Variants in KCNIP4 observed in about 807,000 individuals in gnomAD.
KCNIP4 encodes the protein potassium voltage-gated channel interacting protein 4.
Under a neutral mutation model 34.0 loss-of-function variants are expected in KCNIP4, and 12 were observed. That is an observed-to-expected ratio of 0.35 (90% confidence interval 0.23 to 0.57). The LOEUF (loss-of-function observed/expected upper bound fraction) is 0.57. Among genes scored for constraint, KCNIP4 ranks in the 20% least tolerant of loss-of-function variants. The probability of loss-of-function intolerance (pLI) is 0.83; values close to 1 mark genes in which losing one functional copy is unlikely to be tolerated. For missense variants in KCNIP4, 238 were observed against 311.7 expected (o/e 0.76, Z 1.78); for synonymous variants, 124 against 102.2 (o/e 1.21, Z -1.29).
Position 21,370,850 on chromosome 4 carries a change from TACACACACAC to T in KCNIP4, c.62-488151_62-488142del, listed in dbSNP as rs376590317. ...ATATATATATATATATATATATATA[TACACACACAC>T]ACACACACACACACACACACACGTG... On this transcript the variant is annotated intron_variant, in intron 1 of 8. Coordinates refer to ENST00000382152, the MANE Select transcript of KCNIP4 (RefSeq NM_025221.6). Among the ~76,000 whole-genome samples, 50 of 14,842 alleles carry T rather than the reference TACACACACAC, an allele frequency of 3.4e-3. 1 individual carries two copies. In the East Asian group the frequency reaches 0.073, roughly 22 times the overall value. 9.7% of individuals were successfully genotyped at this position (14,842 alleles called of 152,430 possible).
intron 1 of KCNIP4, among the ~76,000 whole-genome samples, chr4:21,470,755 G>A (rs190661420): frequency 6.7e-4 from 102 of 152,084 alleles, no homozygotes; most frequent in Non-Finnish European, 7.8e-4. Context: ...GCCACAGGGA[G>A]AAGCAGTTAG....
intron 1 of KCNIP4, among the ~76,000 whole-genome samples, chr4:21,802,153 C>A (rs984417492): frequency 6.6e-6 from 1 of 151,994 alleles, no homozygotes; most frequent in African/African-American, 2.4e-5. Context: ...AAATCAAAAC[C>A]ACAGTATTTG....
At position 21,081,660 on chromosome 4, in the gene KCNIP4, C is replaced by A. The variant is rs548926523; in HGVS notation, c.62-198951G>T. Reference sequence around the variant, plus strand: ...TGTTTTCTGTCAGTAATTTGAAGTTCTAGTATAATATTTTTATTTAATTAC... The same window carrying A: ...TGTTTTCTGTCAGTAATTTGAAGTTATAGTATAATATTTTTATTTAATTAC... On this transcript the variant is annotated intron_variant, in intron 1 of 8. Transcript: ENST00000382152. Among the ~76,000 whole-genome samples, 199 of 151,818 alleles carry A rather than the reference C, an allele frequency of 1.3e-3. 4 individuals carry two copies. Among genetic ancestry groups the A allele is most frequent in the African/African-American group, 4.2e-3 (173 of 41,312 alleles).
At chr4:21,785,188 A>G (rs1307451325) in intron 1 of KCNIP4, among the ~76,000 whole-genome samples, 1 of 152,134 alleles carries the variant, frequency 6.6e-6, no homozygotes, top group Admixed American at 6.5e-5. Context: ...TATAACTCAC[A>G]TACCACAGAA....
At chr4:20,854,822 G>C (rs955910728) in intron 2 of KCNIP4, among the ~76,000 whole-genome samples, 3 of 152,102 alleles carry the variant, frequency 2.0e-5, no homozygotes, top group Non-Finnish European at 4.4e-5. Context: ...ATTCTATTTA[G>C]GTCCATTTTG....
chr4:21,503,314 A>T (rs1441653833), intron 1 of KCNIP4, among the ~76,000 whole-genome samples: 1 of 152,134 alleles, frequency 6.6e-6, no homozygotes, highest in Non-Finnish European at 1.5e-5. Flanking sequence ...ACAATTAACT[A>T]TTGGGGAGGT....
intron 1 of KCNIP4, among the ~76,000 whole-genome samples, chr4:21,760,440 ACATGTT>A (rs33915414): frequency 0.65 from 98,626 of 151,288 alleles, 33,953 homozygotes; most frequent in African/African-American, 0.84. Flanking sequence ...TCAATTAGAT[ACATGTT>A]CATGTTTTTA....
At chr4:21,248,947 A>G (rs565884643) in intron 1 of KCNIP4, among the ~76,000 whole-genome samples, 15 of 152,292 alleles carry the variant, frequency 9.8e-5, no homozygotes, top group African/African-American at 3.4e-4. Context: ...TCTCCCCATG[A>G]GGCCAACCCA....
chr4:21,591,033 T>C lies in KCNIP4; in HGVS notation c.61+357538A>G, dbSNP rs548874235. On this transcript the variant is annotated intron_variant, in intron 1 of 8. Coordinates refer to ENST00000382152, the MANE Select transcript of KCNIP4 (RefSeq NM_025221.6). ...AGAGGAGGAGACTAATTCAGGTATT[T>C]AGATGTTTGAAAAATGTCTTATATA... Among the ~76,000 whole-genome samples the C allele has an allele frequency of 2.0e-3, 310 of 152,068 alleles. 2 individuals are homozygous for C. The highest frequency in any genetic ancestry group is 3.6e-3 in the Non-Finnish European group (244 of 67,948).
At chr4:21,827,142 C>A (rs1335364844) in intron 1 of KCNIP4, among the ~76,000 whole-genome samples, 1 of 151,900 alleles carries the variant, frequency 6.6e-6, no homozygotes, top group Non-Finnish European at 1.5e-5. Flanking sequence ...TGTGAATAAG[C>A]AATAAATTTT....
chr4:21,233,651 T>C (rs566757555), intron 1 of KCNIP4, among the ~76,000 whole-genome samples: 3 of 151,772 alleles, frequency 2.0e-5, no homozygotes, highest in Non-Finnish European at 4.4e-5. Context: ...AGTCTGTTCA[T>C]CAAGAAACAT....
chr4:21,640,584 T>C (rs572506508), intron 1 of KCNIP4, among the ~76,000 whole-genome samples: 1 of 152,226 alleles, frequency 6.6e-6, no homozygotes, highest in African/African-American at 2.4e-5. Context: ...TGATCCATGT[T>C]CCAGCCAACC....
rs74526194 is a variant in KCNIP4 at position 21,112,858 on chromosome 4, C to T, written c.62-230149G>A. On this transcript the variant is annotated intron_variant, in intron 1 of 8. Transcript: ENST00000382152. ...CTAGGATTGATATAACTATTTTTCC[C>T]TTTTTTTTTTCTCCAATAGCCAGGG... 2.1e-3 allele frequency among the ~76,000 whole-genome samples: 312 copies of T among 150,722 alleles called. 5 individuals carry two copies. In the East Asian group the frequency reaches 0.045, roughly 22 times the overall value.
intron 1 of KCNIP4, among the ~76,000 whole-genome samples, chr4:21,207,580 T>A (rs973951824): frequency 3.3e-5 from 5 of 152,184 alleles, no homozygotes; most frequent in Admixed American, 1.3e-4. Flanking sequence ...ATGGCACATA[T>A]CTAGACTAGG....
At chr4:20,841,800 G>A (rs559430774) in intron 3 of KCNIP4, among the ~76,000 whole-genome samples, 1 of 151,664 alleles carries the variant, frequency 6.6e-6, no homozygotes, top group African/African-American at 2.4e-5. Context: ...AAAACTGGTA[G>A]TTCCCCACTA....
chr4:21,586,987 C>A (rs113036646), intron 1 of KCNIP4, among the ~76,000 whole-genome samples: 5 of 152,108 alleles, frequency 3.3e-5, no homozygotes, highest in African/African-American at 1.2e-4. Context: ...TCTCGCTAGC[C>A]AGGAGTGAAA....
chr4:21,119,731 T>C (rs528851641), intron 1 of KCNIP4, among the ~76,000 whole-genome samples: 17 of 152,144 alleles, frequency 1.1e-4, no homozygotes, highest in Middle Eastern at 6.8e-3. Flanking sequence ...CAGTTTTTTT[T>C]TTCTCCCTTC....
intron 1 of KCNIP4, among the ~76,000 whole-genome samples, chr4:21,452,137 T>C (rs1728563798): frequency 6.6e-6 from 1 of 151,786 alleles, no homozygotes; most frequent in Non-Finnish European, 1.5e-5. Context: ...GGATCTGTGA[T>C]TATCTACACA....
At chr4:20,971,734 A>T (rs2149677903) in intron 1 of KCNIP4, among the ~76,000 whole-genome samples, 1 of 152,276 alleles carries the variant, frequency 6.6e-6, no homozygotes, top group African/African-American at 2.4e-5. Flanking sequence ...GGTTGGAGTA[A>T]TTGTGGCAGT....
Sources: gnomAD v4.1 joint callset for allele counts (sites outside exome capture counted in the v4.1 genomes callset) on GRCh38, gnomAD v4.1.1 for gene constraint, MANE v1.5 for transcripts, NCBI Gene and HGNC (gene_info 2026-07-23, HGNC 2026-07-21) for gene names.